The following PCDHGA3 variants were observed in gnomAD, a reference collection of about 807,000 sequenced individuals.
PCDHGA3 encodes protocadherin gamma subfamily A, 3.
In PCDHGA3, 40 loss-of-function variants were observed where a neutral mutation model predicts 58.5. The observed-to-expected ratio is 0.68, with a 90% CI of 0.53 to 0.89. The LOEUF (loss-of-function observed/expected upper bound fraction) is 0.89. Among genes scored for constraint, PCDHGA3 ranks in the 40% least tolerant of loss-of-function variants. The pLI is 0.00. For missense variants in PCDHGA3, 1,223 were observed against 1,195.9 expected (o/e 1.02, Z -0.33); for synonymous variants, 530 against 525.7 (o/e 1.01, Z -0.11).
intron 1 of PCDHGA3, chr5:141,360,424 G>C (rs1561520496): frequency 1.2e-6 from 2 of 1,613,958 alleles, no homozygotes; most frequent in East Asian, 2.2e-5. Context: ...ACAGATATGC[G>C]GGAAGCAGCC....
At position 141,393,662 on chromosome 5, in the gene PCDHGA3, A is replaced by T. The variant is rs1442061423; in HGVS notation, c.2424+47205A>T. The T allele has an allele frequency of 8.7e-6, 14 of 1,613,816 alleles. No individual in the cohort carries two copies. In the Admixed American group the frequency reaches 2.3e-4, roughly 27 times the overall value. On this transcript the variant is annotated intron_variant, in intron 1 of 3. Transcript: ENST00000253812. ...GAAAAGTGGCATACAAATTCCGGAAAATTAATGAAAAACAAACTCCGTTAT... is the reference window on the plus strand; with the variant it reads ...GAAAAGTGGCATACAAATTCCGGAATATTAATGAAAAACAAACTCCGTTAT...
intron 1 of PCDHGA3, chr5:141,378,251 G>A (rs780385993): frequency 6.6e-6 from 1 of 152,234 alleles, no homozygotes; most frequent in Non-Finnish European, 1.5e-5. Flanking sequence ...ATGGCCGGGT[G>A]CGGTGGCTCA....
intron 1 of PCDHGA3, chr5:141,352,760 C>A (rs1759103494): frequency 7.6e-7 from 1 of 1,314,650 alleles, no homozygotes; most frequent in South Asian, 1.4e-5. Context: ...CAGGCTGAGG[C>A]AGGTGGATCA....
intron 1 of PCDHGA3, chr5:141,365,822 G>T: frequency 6.2e-7 from 1 of 1,613,908 alleles, no homozygotes; most frequent in Non-Finnish European, 8.5e-7. Flanking sequence ...CACATTTCAG[G>T]GGGCGCCCTT....
chr5:141,366,112 G>C (rs747040892), intron 1 of PCDHGA3: 1 of 1,614,110 alleles, frequency 6.2e-7, no homozygotes, highest in Non-Finnish European at 8.5e-7. Context: ...TGGTAGCGGT[G>C]GACAAAGATT....
chr5:141,423,497 AG>A (rs1269176785), intron 1 of PCDHGA3: 1 of 1,613,940 alleles, frequency 6.2e-7, no homozygotes, highest in Non-Finnish European at 8.5e-7. Flanking sequence ...TATTCCCACG[AG>A]GTCTCTCTCA....
chr5:141,446,622 G>A (rs1338969669), intron 1 of PCDHGA3, among the ~76,000 whole-genome samples: 13 of 152,044 alleles, frequency 8.6e-5, no homozygotes, highest in East Asian at 1.9e-4. Flanking sequence ...GACTACAGGC[G>A]TGCACCACCA....
At chr5:141,358,564 AGTGACTATGT>A (rs1760950785) in intron 1 of PCDHGA3, among the ~76,000 whole-genome samples, 1 of 152,222 alleles carries the variant, frequency 6.6e-6, no homozygotes, top group African/African-American at 2.4e-5. Context: ...ATGCACCAGA[AGTGACTATGT>A]GTGATTCCTC....
chr5:141,394,080 A>G (rs766939528), intron 1 of PCDHGA3: 2 of 1,613,920 alleles, frequency 1.2e-6, no homozygotes, highest in Non-Finnish European at 1.7e-6. Flanking sequence ...TATCACAGTG[A>G]TGGCCTCAGA....
At chr5:141,394,311 C>G in intron 1 of PCDHGA3, 3 of 1,613,986 alleles carry the variant, frequency 1.9e-6, no homozygotes, top group Non-Finnish European at 1.7e-6. Context: ...GCAGGGGGCG[C>G]CCCTGTCCTC....
chr5:141,421,945 AT>A (rs1473318347), intron 1 of PCDHGA3: 1 of 1,613,342 alleles, frequency 6.2e-7, no homozygotes, highest in Non-Finnish European at 8.5e-7. Flanking sequence ...AAATGATCAC[AT>A]CCCAATGTTT....
chr5:141,478,358 C>G, intron 1 of PCDHGA3: 1 of 1,613,738 alleles, frequency 6.2e-7, no homozygotes, highest in South Asian at 1.1e-5. Flanking sequence ...GGACGCCGTG[C>G]GGGGAGGCCT....
chr5:141,426,437 C>T (rs914971616), intron 1 of PCDHGA3: 6 of 300,546 alleles, frequency 2.0e-5, no homozygotes, highest in South Asian at 6.4e-5. Flanking sequence ...GGGAACCTTG[C>T]GGAGGACATG....
chr5:141,478,856 T>G (rs1372487685), intron 1 of PCDHGA3: 2 of 1,353,224 alleles, frequency 1.5e-6, no homozygotes, highest in Non-Finnish European at 2.0e-6. Flanking sequence ...AAACACAAGA[T>G]CTCAGCGATC....
Position 141,487,632 on chromosome 5 carries a change from C to G in PCDHGA3, c.2425-7175C>G, listed in dbSNP as rs374506603. The G allele has an allele frequency of 6.2e-7, 1 of 1,614,186 alleles. No homozygotes were observed. Among genetic ancestry groups the G allele is most frequent in the East Asian group, 2.2e-5 (1 of 44,888 alleles). On this transcript the variant is annotated intron_variant, in intron 1 of 3. Coordinates refer to ENST00000253812, the MANE Select transcript of PCDHGA3 (RefSeq NM_018916.4). The surrounding 1 kb of genome is among the most constrained non-coding windows in gnomAD (Gnocchi z 5.0). ...GGGCTAGAGGTGAGACCTTTGCAGG[C>G]TCAACAAATGCTTGAGGGTTATTCT... is the stretch of plus-strand genomic sequence containing the variant.
chr5:141,450,633 C>T (rs751572851), intron 1 of PCDHGA3, among the ~76,000 whole-genome samples: 2 of 149,416 alleles, frequency 1.3e-5, no homozygotes, highest in East Asian at 2.0e-4. Flanking sequence ...ATTACAGATG[C>T]CTGCCACCAT....
chr5:141,349,894 A>G (rs554115110), intron 1 of PCDHGA3, among the ~76,000 whole-genome samples: 1 of 152,312 alleles, frequency 6.6e-6, no homozygotes, highest in Admixed American at 6.5e-5. Flanking sequence ...TGATGATGAC[A>G]AACTAGAAAA....
chr5:141,501,789 C>T (rs367954511), intron 2 of PCDHGA3, among the ~76,000 whole-genome samples: 1 of 152,262 alleles, frequency 6.6e-6, no homozygotes, highest in South Asian at 2.1e-4. Context: ...TCTCCCTCTG[C>T]TCATCTCTTA....
intron 1 of PCDHGA3, chr5:141,351,851 A>G (rs543692676): frequency 1.9e-6 from 3 of 1,613,034 alleles, no homozygotes; most frequent in Non-Finnish European, 2.5e-6. Context: ...ACTGCAGGCC[A>G]GGGACCAGGG....
Sources: gnomAD v4.1 joint callset for allele counts (sites outside exome capture counted in the v4.1 genomes callset) on GRCh38, gnomAD v4.1.1 for gene constraint, Gnocchi (gnomAD v3.1) non-coding constraint, MANE v1.5 for transcripts, NCBI Gene and HGNC (gene_info 2026-07-23, HGNC 2026-07-21) for gene names.